SCIN: variants seen among roughly 807,000 people sequenced by gnomAD.
SCIN encodes adseverin.
In SCIN, 91 loss-of-function variants were observed where a neutral mutation model predicts 91.8. The ratio of observed to expected loss-of-function variants is 0.99; its 90% confidence interval spans 0.84 to 1.18. SCIN has a LOEUF of 1.18. Ranked by LOEUF, SCIN falls within the 50% of genes most tolerant of loss-of-function variation. SCIN has a pLI of 0.00. For missense variants in SCIN, 1,087 were observed against 863.9 expected (o/e 1.26, Z -3.24); for synonymous variants, 367 against 312.6 (o/e 1.17, Z -1.84).
In SCIN at chr7:12,651,857, G is replaced by C; in HGVS notation, c.1976G>C (p.Gly659Ala). 6.3e-7 allele frequency: 1 copy of C among 1,595,784 alleles called. No homozygotes were observed. Among genetic ancestry groups the C allele is most frequent in the Non-Finnish European group, 8.6e-7 (1 of 1,167,940 alleles). The change falls in exon 15 of 16, where the codon GGC becomes GCC. Residue 659 changes from glycine (G) to alanine (A), a missense_variant. Transcript: ENST00000297029. The surrounding 1 kb of genome is among the most constrained non-coding windows in gnomAD (Gnocchi z 5.9). ...DAWEQIFIWI[G>A]KDANEVEKKE... Reference sequence around the variant, plus strand: ...ATTTTTCAGATATTTATTTGGATTGGCAAAGATGCTAATGAAGTTGAGAAA... The same window carrying C: ...ATTTTTCAGATATTTATTTGGATTGCCAAAGATGCTAATGAAGTTGAGAAA...
intron 4 of SCIN, among the ~76,000 whole-genome samples, chr7:12,614,769 A>C (rs989704257): frequency 6.6e-5 from 10 of 152,196 alleles, no homozygotes; most frequent in African/African-American, 2.4e-4. Flanking sequence ...GTACAGCTCC[A>C]TGGCTAGAGA....
chr7:12,593,793 C>T (rs1205490516), intron 3 of SCIN, among the ~76,000 whole-genome samples: 1 of 152,174 alleles, frequency 6.6e-6, no homozygotes, highest in African/African-American at 2.4e-5. Context: ...TCCCAGGGAA[C>T]AGCAGCAGCT....
chr7:12,580,261 A>G (rs993490600), intron 2 of SCIN, among the ~76,000 whole-genome samples: 1 of 152,148 alleles, frequency 6.6e-6, no homozygotes, highest in East Asian at 1.9e-4. Flanking sequence ...AATAGTAGAA[A>G]TAAAGATATG....
intron 4 of SCIN, among the ~76,000 whole-genome samples, chr7:12,613,611 TCA>T (rs371529978): frequency 1.3e-3 from 192 of 152,260 alleles, no homozygotes; most frequent in Middle Eastern, 6.8e-3. Flanking sequence ...GAGCCTAGAA[TCA>T]CAGAGTGTTG....
At chr7:12,617,521 G>C (rs1783324125) in intron 4 of SCIN, among the ~76,000 whole-genome samples, 1 of 152,114 alleles carries the variant, frequency 6.6e-6, no homozygotes, top group South Asian at 2.1e-4. Context: ...AAGGTTTGGT[G>C]ATGTCTAGAA....
intron 4 of SCIN, among the ~76,000 whole-genome samples, chr7:12,621,637 G>GTTTTTTTT (rs60697843): frequency 2.3e-4 from 24 of 106,364 alleles, no homozygotes; most frequent in Non-Finnish European, 3.0e-4. Flanking sequence ...AAGTGTTTTA[G>GTTTTTTTT]TTTTTTTTTT....
intron 3 of SCIN, among the ~76,000 whole-genome samples, chr7:12,594,656 G>C (rs1469961812): frequency 6.6e-6 from 1 of 152,106 alleles, no homozygotes; most frequent in African/African-American, 2.4e-5. Context: ...GGTCTTGGGA[G>C]GGGTAGACTG....
chr7:12,606,220 GATA>G (rs2115252217), intron 4 of SCIN, among the ~76,000 whole-genome samples: 1 of 152,240 alleles, frequency 6.6e-6, no homozygotes, highest in South Asian at 2.1e-4. Flanking sequence ...AAAATCTGTT[GATA>G]TAATACCTTT....
At chr7:12,640,641 A>G in intron 11 of SCIN, 124 bp downstream of exon 11, 3 of 863,622 alleles carry the variant, frequency 3.5e-6, no homozygotes, top group Non-Finnish European at 4.7e-6. Context: ...TAATTAATCC[A>G]CTGTTCAAAA....
chr7:12,657,664 A>C lies in SCIN; in HGVS notation c.*4949A>C, dbSNP rs1784195900. ...TGTATAATGCAATCAGTGGAAGACA[A>C]ATCAGAGGTATTATTTTCCCTTGGG... On this transcript the variant is annotated 3_prime_UTR_variant, in exon 16 of 16. Transcript: ENST00000297029. The C allele has an allele frequency of 6.9e-6, 1 of 145,418 alleles. No individual in the cohort carries two copies. The highest frequency in any genetic ancestry group is 1.5e-5 in the Non-Finnish European group (1 of 66,722). The allele number at this position is 145,418 out of a possible 1,614,324, so 9.0% of individuals were successfully genotyped here.
chr7:12,645,602 T>A (rs1180640684), intron 13 of SCIN, among the ~76,000 whole-genome samples: 1 of 152,150 alleles, frequency 6.6e-6, no homozygotes, highest in Non-Finnish European at 1.5e-5. Flanking sequence ...GTATTAAGCC[T>A]AGTATCCATT....
chr7:12,639,094 G>A (rs1339379401), intron 10 of SCIN, among the ~76,000 whole-genome samples: 1 of 152,122 alleles, frequency 6.6e-6, no homozygotes. Context: ...AAGTATTGCG[G>A]TTTTCAACGC....
chr7:12,629,302 G>T, intron 9 of SCIN, 80 bp downstream of exon 9: 12 of 1,306,954 alleles, frequency 9.2e-6, no homozygotes, highest in South Asian at 6.1e-5. Context: ...TGCATTATGG[G>T]GTAGAATAAT....
chr7:12,594,021 G>A (rs933845111), intron 3 of SCIN, among the ~76,000 whole-genome samples: 1 of 152,208 alleles, frequency 6.6e-6, no homozygotes, highest in African/African-American at 2.4e-5. Context: ...ATCTGTAAGA[G>A]ATCGTAGAAG....
chr7:12,612,969 A>C (rs1405719845), intron 4 of SCIN, among the ~76,000 whole-genome samples: 1 of 152,170 alleles, frequency 6.6e-6, no homozygotes, highest in African/African-American at 2.4e-5. Flanking sequence ...TCTCTGAATG[A>C]GTTAATTTTC....
intron 3 of SCIN, among the ~76,000 whole-genome samples, chr7:12,599,466 T>A (rs370443169): frequency 2.0e-5 from 3 of 152,148 alleles, no homozygotes; most frequent in East Asian, 1.9e-4. Flanking sequence ...AATTGTAGAT[T>A]GTGCTGCTAT....
chr7:12,623,331 A>G (rs892230874), intron 5 of SCIN, among the ~76,000 whole-genome samples: 3 of 152,096 alleles, frequency 2.0e-5, no homozygotes, highest in African/African-American at 7.2e-5. Context: ...TGAGCTACCA[A>G]ATGAAACAGC....
At chr7:12,615,076 C>G (rs982282567) in intron 4 of SCIN, among the ~76,000 whole-genome samples, 1 of 152,122 alleles carries the variant, frequency 6.6e-6, no homozygotes, top group Non-Finnish European at 1.5e-5. Context: ...ACAGACACTG[C>G]GATCTTAAAC....
chr7:12,580,290 G>T (rs1446032616), intron 2 of SCIN, among the ~76,000 whole-genome samples: 2 of 149,994 alleles, frequency 1.3e-5, no homozygotes, highest in Non-Finnish European at 2.9e-5. Flanking sequence ...CATTTAATTA[G>T]AAAAAATGAA....
Sources: allele counts gnomAD v4.1 joint callset (sites outside exome capture counted in the v4.1 genomes callset), GRCh38; gene constraint gnomAD v4.1.1; non-coding constraint Gnocchi (gnomAD v3.1); transcripts MANE v1.5; gene names NCBI Gene and HGNC (gene_info 2026-07-23, HGNC 2026-07-21).